PDE10A: variants seen among roughly 807,000 people sequenced by gnomAD.
PDE10A encodes the protein cAMP and cAMP-inhibited cGMP 3',5'-cyclic phosphodiesterase 10A.
A neutral mutation model predicts 97.7 loss-of-function variants in PDE10A; 39 were observed. The observed-to-expected ratio is 0.40, with a 90% CI of 0.31 to 0.52. The LOEUF (loss-of-function observed/expected upper bound fraction) is 0.52, where lower values mean the gene tolerates loss of function less well. PDE10A is among the 20% of genes least tolerant of loss of function. The pLI is 0.56. For missense variants in PDE10A, 731 were observed against 1,047.8 expected, an observed-to-expected ratio of 0.70 and a Z score of 4.17; for synonymous variants, 371 against 376.8, an observed-to-expected ratio of 0.98 and a Z score of 0.18.
intron 8 of PDE10A, among the ~76,000 whole-genome samples, chr6:165,430,998 A>C (rs964641908): frequency 6.6e-6 from 1 of 152,316 alleles, no homozygotes; most frequent in South Asian, 2.1e-4. Context: ...TAAATTAGAT[A>C]TCTTCAAAAG....
At chr6:165,653,736 G>A (rs775236393) in intron 1 of PDE10A, among the ~76,000 whole-genome samples, 8 of 152,166 alleles carry the variant, frequency 5.3e-5, no homozygotes, top group Non-Finnish European at 1.2e-4. Flanking sequence ...CCAATGAGCA[G>A]GAAACATGCA....
At chr6:165,765,528 G>A (rs974431921) in intron 1 of PDE10A, among the ~76,000 whole-genome samples, 2 of 152,268 alleles carry the variant, frequency 1.3e-5, no homozygotes, top group African/African-American at 4.8e-5. Context: ...GCTGGCCCGG[G>A]TGCTAAGTCC....
chr6:165,384,144 G>A (rs548217004), intron 17 of PDE10A, among the ~76,000 whole-genome samples: 8 of 152,210 alleles, frequency 5.3e-5, no homozygotes, highest in South Asian at 4.2e-4. Context: ...CTTGGAGGAC[G>A]GATTTGGGAC....
At chr6:165,422,462 G>GGCATACACACAC (rs777761108) in intron 10 of PDE10A, among the ~76,000 whole-genome samples, 4,279 of 117,958 alleles carry the variant, frequency 0.036, 439 homozygotes, top group East Asian at 0.13. Flanking sequence ...TACACACACA[G>GGCATACACACAC]GCATACACAC....
chr6:165,451,690 CAAGT>C (rs1791302143), intron 3 of PDE10A, among the ~76,000 whole-genome samples: 1 of 152,252 alleles, frequency 6.6e-6, no homozygotes, highest in South Asian at 2.1e-4. Context: ...GTTGAATGAA[CAAGT>C]AAGTAACCAA....
chr6:165,410,819 T>A (rs538504669), intron 13 of PDE10A, among the ~76,000 whole-genome samples: 1 of 151,348 alleles, frequency 6.6e-6, no homozygotes, highest in Non-Finnish European at 1.5e-5. Flanking sequence ...CCGGGCGCGG[T>A]GGCTCACGCC....
intron 1 of PDE10A, among the ~76,000 whole-genome samples, chr6:165,617,115 C>G (rs572941787): frequency 6.6e-6 from 1 of 152,258 alleles, no homozygotes; most frequent in Non-Finnish European, 1.5e-5. Context: ...CCTTTAACAT[C>G]CTTAAATGGA....
At position 165,819,808 on chromosome 6, in the gene PDE10A, G is replaced by T. The variant is rs1261660524; in HGVS notation, c.-615+167721C>A. Among the ~76,000 whole-genome samples the T allele has an allele frequency of 2.0e-5, 3 of 152,284 alleles. No homozygotes were observed. Among genetic ancestry groups the T allele is most frequent in the African/African-American group, 4.8e-5 (2 of 41,548 alleles). ...CTGCCACACAGTGGGTCTCAAGAAAGCTTTCCTTAAATGAATACATGAATG... is the reference window on the plus strand; with the variant it reads ...CTGCCACACAGTGGGTCTCAAGAAATCTTTCCTTAAATGAATACATGAATG... On this transcript the variant is annotated intron_variant, in intron 1 of 19. Transcript: ENST00000366882. This position sits in a 1 kb window ranked among gnomAD's most constrained non-coding sequence, Gnocchi z 4.2.
chr6:165,826,582 G>C (rs1338124971), intron 1 of PDE10A, among the ~76,000 whole-genome samples: 1 of 150,704 alleles, frequency 6.6e-6, no homozygotes, highest in Admixed American at 6.6e-5. Context: ...CACGCCCCCA[G>C]GTATGTACCC....
chr6:165,813,125 A>G (rs955425117), intron 1 of PDE10A, among the ~76,000 whole-genome samples: 2 of 152,084 alleles, frequency 1.3e-5, no homozygotes, highest in East Asian at 3.9e-4. Flanking sequence ...CTGAAGGGAG[A>G]AGCTGGGGCT....
chr6:165,349,159 C>T (rs1431149797), intron 18 of PDE10A, among the ~76,000 whole-genome samples: 3 of 152,112 alleles, frequency 2.0e-5, no homozygotes, highest in African/African-American at 7.2e-5. Flanking sequence ...GCTCAGAAGG[C>T]AGGAAAATAT....
rs1336695339 is a variant in PDE10A, at chr6:165,384,644, GTGTGTGTGTGTGTGTGTGTGTGTGTAT to G, written c.2610+3627_2610+3653del. 9.7e-3 allele frequency among the ~76,000 whole-genome samples: 610 copies of G among 62,672 alleles called. 39 individuals are homozygous for G. The highest frequency in any genetic ancestry group is 0.039 in the African/African-American group (552 of 14,212). 41.1% of individuals were successfully genotyped at this position (62,672 alleles called of 152,430 possible). ...TATGTGTGAGTGAGTGTGTGTGTGT[GTGTGTGTGTGTGTGTGTGTGTGTGTAT>G]GGGGGGGGGCGACTAAAGGTTAGCT... On this transcript the variant is annotated intron_variant, in intron 17 of 21. Transcript: ENST00000539869.
intron 18 of PDE10A, among the ~76,000 whole-genome samples, chr6:165,363,279 G>T (rs1212764696): frequency 2.0e-5 from 3 of 152,190 alleles, no homozygotes; most frequent in South Asian, 4.1e-4. Context: ...CACTTTGGGA[G>T]GCTGAGGCAG....
intron 1 of PDE10A, among the ~76,000 whole-genome samples, chr6:165,703,152 T>C (rs1271973332): frequency 2.0e-5 from 3 of 152,192 alleles, no homozygotes; most frequent in Non-Finnish European, 4.4e-5. Context: ...GCCTCATAAA[T>C]AATTATTTTA....
intron 1 of PDE10A, among the ~76,000 whole-genome samples, chr6:165,895,412 G>A (rs988576069): frequency 6.6e-6 from 1 of 152,172 alleles, no homozygotes; most frequent in Non-Finnish European, 1.5e-5. Context: ...ACCAGAAGCT[G>A]GGAGAGGTGA....
intron 2 of PDE10A, among the ~76,000 whole-genome samples, chr6:165,512,224 G>A (rs946166193): frequency 2.0e-5 from 3 of 151,568 alleles, no homozygotes; most frequent in Non-Finnish European, 4.4e-5. Context: ...ATGTTTTTAC[G>A]ATAGTAAATG....
At chr6:165,416,398 T>C (rs1210844189) in intron 11 of PDE10A, 117 bp from the exon 12 acceptor site, 2 of 715,594 alleles carry the variant, frequency 2.8e-6, no homozygotes, top group Admixed American at 2.2e-5. Flanking sequence ...TAAATGCGTG[T>C]ATTACTTTTA....
At chr6:165,946,451 G>A (rs1395952400) in intron 1 of PDE10A, among the ~76,000 whole-genome samples, 2 of 150,586 alleles carry the variant, frequency 1.3e-5, no homozygotes, top group Admixed American at 6.6e-5. Context: ...CCGAGATTGC[G>A]CCACTGCACT....
chr6:165,794,197 C>T (rs951453246), intron 1 of PDE10A, among the ~76,000 whole-genome samples: 25 of 151,470 alleles, frequency 1.7e-4, no homozygotes, highest in African/African-American at 3.1e-4. Context: ...CACGCACTCA[C>T]GCTCACACAC....
Sources: allele counts gnomAD v4.1 joint callset (sites outside exome capture counted in the v4.1 genomes callset), GRCh38; gene constraint gnomAD v4.1.1; non-coding constraint Gnocchi (gnomAD v3.1); transcripts MANE v1.5; gene names NCBI Gene and HGNC (gene_info 2026-07-23, HGNC 2026-07-21).